Variants in DNAAF5 observed in about 807,000 individuals in gnomAD.
The protein encoded by DNAAF5 is dynein axonemal assembly factor 5.
In DNAAF5, 64 loss-of-function variants were observed where a neutral mutation model predicts 75.8. The ratio of observed to expected loss-of-function variants is 0.84; its 90% CI spans 0.69 to 1.04. The LOEUF (loss-of-function observed/expected upper bound fraction) is 1.04, where lower values mean the gene tolerates loss of function less well. DNAAF5 is among the 50% of genes least tolerant of loss of function. The pLI is 0.00. For synonymous variants in DNAAF5, 657 were observed against 557.2 expected, an observed-to-expected ratio of 1.18 and a Z score of -2.52; for missense variants, 1,269 against 1,178.5, an observed-to-expected ratio of 1.08 and a Z score of -1.12.
intron 1 of DNAAF5, among the ~76,000 whole-genome samples, chr7:728,001 C>G (rs1303228722): frequency 6.6e-6 from 1 of 151,974 alleles, no homozygotes; most frequent in Non-Finnish European, 1.5e-5. Flanking sequence ...AGACTCTGCT[C>G]TGGTCATTTC....
chr7:783,596 C>T (rs995708253), intron 12 of DNAAF5, among the ~76,000 whole-genome samples: 3 of 152,226 alleles, frequency 2.0e-5, no homozygotes, highest in Admixed American at 6.5e-5. Flanking sequence ...CCCGTGGTCT[C>T]TCCAGGTCAC....
In DNAAF5 at chr7:785,631, A is replaced by C. The variant is rs768265611; in HGVS notation, c.2546A>C (p.Gln849Pro). The C allele has an allele frequency of 1.2e-6, 2 of 1,613,002 alleles. No individual in the cohort carries two copies. Among genetic ancestry groups the C allele is most frequent in the Non-Finnish European group, 1.7e-6 (2 of 1,179,996 alleles). The part of the protein sequence containing the change: ...TYCEQLLQHV[Q>P]AVPATQ ...TGCGAGCAGCTCCTGCAGCATGTGCAGGCCGTGCCAGCCACACAGTGACCA... is the reference window on the plus strand; with the variant it reads ...TGCGAGCAGCTCCTGCAGCATGTGCCGGCCGTGCCAGCCACACAGTGACCA... The change falls in exon 13 of 13, where the codon CAG (glutamine) becomes CCG (proline). Residue 849 changes from glutamine to proline, a missense_variant. Gln to Pro is a moderately conservative substitution (Grantham distance 76, BLOSUM62 -1). Coordinates refer to ENST00000297440, the MANE Select transcript of DNAAF5 (RefSeq NM_017802.4).
chr7:757,141 C>G (rs760371949), intron 6 of DNAAF5, 147 bp downstream of exon 6: 2 of 753,972 alleles, frequency 2.7e-6, no homozygotes, highest in African/African-American at 3.5e-5. Context: ...GGGTCCGCCC[C>G]GTGCCGCCAG....
chr7:754,170 A>C lies in DNAAF5; in HGVS notation c.1025-419A>C, dbSNP rs1350924478. On this transcript the variant is annotated intron_variant, in intron 4 of 12. Coordinates refer to ENST00000297440, the MANE Select transcript of DNAAF5 (RefSeq NM_017802.4). The surrounding 1 kb of genome is among the most constrained non-coding windows in gnomAD (Gnocchi z 4.8). ...TGTTTGCATCTCTGTGTGGCTCTAA[A>C]TGTTTGTTTTTTGAGACAGGGTCTC... Among the ~76,000 whole-genome samples, 1 of 152,190 alleles carries C rather than the reference A, an allele frequency of 6.6e-6. No homozygotes were observed. Among genetic ancestry groups the C allele is most frequent in the Non-Finnish European group, 1.5e-5 (1 of 68,030 alleles).
chr7:741,224 G>A (rs920607803), intron 3 of DNAAF5, 123 bp from the exon 4 acceptor site: 9 of 754,320 alleles, frequency 1.2e-5, no homozygotes, highest in Non-Finnish European at 2.0e-5. Flanking sequence ...ACCTTTTCTG[G>A]GGTTGGGGAG....
At chr7:766,020 G>T (rs1385991792) in intron 8 of DNAAF5, among the ~76,000 whole-genome samples, 1 of 152,104 alleles carries the variant, frequency 6.6e-6, no homozygotes, top group Non-Finnish European at 1.5e-5. Flanking sequence ...GTAGACATGG[G>T]GTCTCTTTAT....
chr7:763,200 G>T (rs1277079627), intron 7 of DNAAF5, among the ~76,000 whole-genome samples: 1 of 152,162 alleles, frequency 6.6e-6, no homozygotes, highest in East Asian at 1.9e-4. Flanking sequence ...CACTGTTAGG[G>T]CCTGAGGTAC....
At chr7:778,417 G>A (rs949966157) in intron 11 of DNAAF5, 4 of 152,158 alleles carry the variant, frequency 2.6e-5, no homozygotes, top group Admixed American at 2.0e-4. Context: ...CCTGAGTTGG[G>A]AGCACAGACA....
At chr7:774,769 GT>G (rs1778702163) in intron 10 of DNAAF5, among the ~76,000 whole-genome samples, 1 of 152,228 alleles carries the variant, frequency 6.6e-6, no homozygotes, top group African/African-American at 2.4e-5. Flanking sequence ...CATTACCCTG[GT>G]TTAGGGTTAG....
At chr7:763,740 C>A in intron 7 of DNAAF5, 66 bp from the exon 8 acceptor site, 1 of 1,549,852 alleles carries the variant, frequency 6.5e-7, no homozygotes, top group Non-Finnish European at 8.8e-7. Flanking sequence ...TAGTGAGTCC[C>A]AGCAGGCAGG....
Position 780,279 on chromosome 7 carries a change from C to T in DNAAF5, c.2431+135C>T, listed in dbSNP as rs1194693797. On this transcript the variant is annotated intron_variant, in intron 12 of 12. Transcript: ENST00000297440. The stretch of plus-strand genomic sequence containing the variant: ...GGCCTCAGCTCCGGCCTGGCACACT[C>T]TTGAGTTCTTGGCAAACCCTGAGAG... 4.1e-6 allele frequency: 3 copies of T among 733,026 alleles called. No homozygotes were observed. The East Asian group carries it at 8.2e-5, about 20-fold the overall frequency. 45.4% of individuals were successfully genotyped at this position (733,026 alleles called of 1,614,324 possible). A position where few individuals can be genotyped will look rare whatever the true frequency, so the allele number is the denominator to read the frequency against.
chr7:735,331 C>G (rs113336117), intron 2 of DNAAF5, among the ~76,000 whole-genome samples: 23,578 of 147,806 alleles, frequency 0.16, 2,036 homozygotes, highest in Middle Eastern at 0.28. Flanking sequence ...CATGGTGTAG[C>G]TGCTCACGGT....
At position 761,980 on chromosome 7, in the gene DNAAF5, A is replaced by G. The variant is rs964680674; in HGVS notation, c.1614+84A>G. 8 of 237,294 alleles carry G rather than the reference A, an allele frequency of 3.4e-5. No homozygotes were observed. The African/African-American group carries it at 7.6e-4, about 23-fold the overall frequency. The allele number at this position is 237,294 out of a possible 1,614,324, so 14.7% of individuals were successfully genotyped here. On this transcript the variant is annotated intron_variant, in intron 7 of 12. Transcript: ENST00000297440. ...CTCTAAGTGAGGTGAACTGTCTCCT[A>G]TGCATCCCCTCTGTGCTTGACCAGC... is the stretch of plus-strand genomic sequence containing the variant.
chr7:749,114 C>T (rs576559022), intron 4 of DNAAF5, among the ~76,000 whole-genome samples: 1 of 152,220 alleles, frequency 6.6e-6, no homozygotes, highest in East Asian at 1.9e-4. Flanking sequence ...AAAAACCAAG[C>T]TTCGTGCTGG....
chr7:752,631 A>G (rs917344662), intron 4 of DNAAF5, among the ~76,000 whole-genome samples: 8 of 147,506 alleles, frequency 5.4e-5, no homozygotes, highest in African/African-American at 1.7e-4. Flanking sequence ...AAAAGACCGC[A>G]GAGCTAGGAC....
At chr7:763,636 G>T (rs567401450) in intron 7 of DNAAF5, among the ~76,000 whole-genome samples, 170 bp from the exon 8 acceptor site, 5 of 152,190 alleles carry the variant, frequency 3.3e-5, no homozygotes, top group Admixed American at 2.6e-4. Context: ...CGCGGCTCTC[G>T]CTCTCCTGCA....
chr7:748,272 G>C (rs1007828636), intron 4 of DNAAF5, among the ~76,000 whole-genome samples: 4 of 141,978 alleles, frequency 2.8e-5, no homozygotes, highest in Non-Finnish European at 6.2e-5. Flanking sequence ...CTGGTGTGCA[G>C]TGGTGGCCCA....
At position 769,820 on chromosome 7, in the gene DNAAF5, G is replaced by C. The variant is rs145951296; in HGVS notation, c.1784-651G>C. On this transcript the variant is annotated intron_variant, in intron 8 of 12. Coordinates refer to ENST00000297440, the MANE Select transcript of DNAAF5 (RefSeq NM_017802.4). ...ACGCCCAGCTAATTTTGTATTTTTA[G>C]TAGAGATGGGATTTTTCTCCATGTT... 9.3e-4 allele frequency among the ~76,000 whole-genome samples: 142 copies of C among 152,216 alleles called. 2 individuals are homozygous for C. The East Asian group carries it at 0.023, about 25-fold the overall frequency.
chr7:770,675 C>G, intron 9 of DNAAF5, 57 bp downstream of exon 9: 1 of 1,539,130 alleles, frequency 6.5e-7, no homozygotes. Flanking sequence ...CCAGGGGTCC[C>G]CATCTCCCTC....
Sources: gnomAD v4.1 joint callset for allele counts (sites outside exome capture counted in the v4.1 genomes callset) on GRCh38, gnomAD v4.1.1 for gene constraint, Gnocchi (gnomAD v3.1) non-coding constraint, MANE v1.5 for transcripts, NCBI Gene and HGNC (gene_info 2026-07-23, HGNC 2026-07-21) for gene names.